Variants in CA8 observed in about 807,000 individuals in gnomAD.
The protein encoded by CA8 is carbonic anhydrase 8 (inactive), also known as carbonic anhydrase-related protein.
In CA8, 22 loss-of-function variants were observed where a neutral mutation model predicts 41.4. The ratio of observed to expected loss-of-function variants is 0.53; its 90% CI spans 0.38 to 0.76. The LOEUF (loss-of-function observed/expected upper bound fraction) is 0.76, where lower values mean the gene tolerates loss of function less well. CA8 is among the 30% of genes least tolerant of loss of function. The pLI is 0.00. For missense variants in CA8, 270 were observed against 352.8 expected (o/e 0.77, Z 1.88); for synonymous variants, 121 against 130.6 (o/e 0.93, Z 0.50).
intron 3 of CA8, among the ~76,000 whole-genome samples, chr8:60,240,112 A>C (rs1367757776): frequency 6.6e-6 from 1 of 152,244 alleles, no homozygotes; most frequent in African/African-American, 2.4e-5. Flanking sequence ...AATATGCAAG[A>C]GGGAACTCAG....
intron 8 of CA8, among the ~76,000 whole-genome samples, chr8:60,201,506 C>T (rs1405474531): frequency 2.0e-5 from 3 of 152,010 alleles, no homozygotes; most frequent in African/African-American, 7.2e-5. Context: ...AAAATAAGAA[C>T]GTGGCAAGAA....
intron 3 of CA8, among the ~76,000 whole-genome samples, chr8:60,259,186 A>G (rs777327014): frequency 6.6e-6 from 1 of 152,228 alleles, no homozygotes; most frequent in Non-Finnish European, 1.5e-5. Flanking sequence ...CCAGTTATGG[A>G]CTATATATTC....
chr8:60,263,678 G>A (rs1803811101), intron 3 of CA8, among the ~76,000 whole-genome samples: 1 of 152,212 alleles, frequency 6.6e-6, no homozygotes, highest in African/African-American at 2.4e-5. Flanking sequence ...TCCCCTGTAT[G>A]AGCCAACTCG....
intron 3 of CA8, among the ~76,000 whole-genome samples, chr8:60,236,489 CA>C (rs898969379): frequency 1.3e-4 from 19 of 150,354 alleles, no homozygotes; most frequent in Non-Finnish European, 2.2e-4. Context: ...TGCAAACAAA[CA>C]AAAAAAAAGT....
chr8:60,272,400 A>G (rs373460122), intron 2 of CA8, among the ~76,000 whole-genome samples: 12 of 151,964 alleles, frequency 7.9e-5, no homozygotes, highest in East Asian at 5.8e-4. Flanking sequence ...AAAAAAAAAA[A>G]AGAAAGGTTC....
At chr8:60,192,700 A>G (rs765617381) in intron 8 of CA8, among the ~76,000 whole-genome samples, 1 of 152,148 alleles carries the variant, frequency 6.6e-6, no homozygotes, top group Non-Finnish European at 1.5e-5. Context: ...TATTTATATC[A>G]AAATTATGCA....
chr8:60,280,925 C>A (rs914152259), intron 1 of CA8, 123 bp downstream of exon 1: 29 of 735,216 alleles, frequency 3.9e-5, no homozygotes, highest in Middle Eastern at 3.3e-4. Flanking sequence ...CAGAGACCCC[C>A]GTGGGAAAGA....
intron 7 of CA8, among the ~76,000 whole-genome samples, chr8:60,209,588 A>G (rs1050616937): frequency 6.6e-6 from 1 of 152,238 alleles, no homozygotes; most frequent in Non-Finnish European, 1.5e-5. Flanking sequence ...CTTTCCAAGT[A>G]CATTTTAATT....
intron 3 of CA8, among the ~76,000 whole-genome samples, chr8:60,262,942 C>T (rs893109237): frequency 6.6e-6 from 1 of 152,170 alleles, no homozygotes; most frequent in Non-Finnish European, 1.5e-5. Context: ...AGTTTTGAAA[C>T]CATGTCAGTG....
intron 3 of CA8, among the ~76,000 whole-genome samples, chr8:60,250,106 C>T (rs996692105): frequency 1.3e-5 from 2 of 152,136 alleles, no homozygotes; most frequent in Non-Finnish European, 2.9e-5. Context: ...CAAATTAAAA[C>T]AGCAACCGTT....
chr8:60,273,973 T>C (rs1180550378), intron 2 of CA8, among the ~76,000 whole-genome samples: 4 of 152,256 alleles, frequency 2.6e-5, no homozygotes, highest in African/African-American at 9.6e-5. Context: ...ATTTAAATTA[T>C]ACTACAACTG....
chr8:60,185,469 T>C lies in CA8; in HGVS notation c.*4552A>G, dbSNP rs1258385273. 2.0e-5 allele frequency among the ~76,000 whole-genome samples: 3 copies of C among 152,008 alleles called. No individual in the cohort carries two copies. Among genetic ancestry groups the C allele is most frequent in the African/African-American group, 7.2e-5 (3 of 41,408 alleles). Reference sequence around the variant, plus strand: ...TCTTAAAAAAAATCATTCATCTACATACCCAAGAAGCTCAACAAATTCCAA... The same window carrying C: ...TCTTAAAAAAAATCATTCATCTACACACCCAAGAAGCTCAACAAATTCCAA... On this transcript the variant is annotated 3_prime_UTR_variant, in exon 9 of 9. Transcript: ENST00000317995.
intron 3 of CA8, among the ~76,000 whole-genome samples, chr8:60,262,667 T>C (rs957441436): frequency 3.3e-5 from 5 of 152,184 alleles, no homozygotes; most frequent in Admixed American, 6.5e-5. Flanking sequence ...CTGGGCAACA[T>C]AGTGAGACCC....
intron 7 of CA8, among the ~76,000 whole-genome samples, chr8:60,219,437 T>C (rs1203179636): frequency 6.6e-6 from 1 of 152,224 alleles, no homozygotes; most frequent in Non-Finnish European, 1.5e-5. Flanking sequence ...ATTACAGGCA[T>C]GAGCCACCGC....
intron 1 of CA8, among the ~76,000 whole-genome samples, chr8:60,280,829 G>A (rs1343202913): frequency 6.6e-6 from 1 of 152,220 alleles, no homozygotes. Flanking sequence ...CCGGGTGAGA[G>A]CGCAGGCGGC....
At chr8:60,220,587 C>A (rs1807209026) in intron 7 of CA8, among the ~76,000 whole-genome samples, 1 of 152,178 alleles carries the variant, frequency 6.6e-6, no homozygotes, top group Non-Finnish European at 1.5e-5. Flanking sequence ...CTTCTCAAGA[C>A]CCCTGGTCCT....
At chr8:60,241,995 C>T (rs768834362) in intron 3 of CA8, among the ~76,000 whole-genome samples, 1 of 152,170 alleles carries the variant, frequency 6.6e-6, no homozygotes. Flanking sequence ...GAAATAATGG[C>T]AGCACTCATC....
At chr8:60,228,904 T>C (rs1165917527) in intron 4 of CA8, among the ~76,000 whole-genome samples, 2 of 152,180 alleles carry the variant, frequency 1.3e-5, no homozygotes, top group African/African-American at 4.8e-5. Context: ...ATCTCTTTCT[T>C]TTCCTTCCTT....
At chr8:60,216,740 C>A (rs1010404390) in intron 7 of CA8, among the ~76,000 whole-genome samples, 4 of 152,140 alleles carry the variant, frequency 2.6e-5, no homozygotes, top group Non-Finnish European at 4.4e-5. Flanking sequence ...TCTACAGGAT[C>A]CGTTAACATT....
Sources: gnomAD v4.1 joint callset for allele counts (sites outside exome capture counted in the v4.1 genomes callset) on GRCh38, gnomAD v4.1.1 for gene constraint, MANE v1.5 for transcripts, NCBI Gene and HGNC (gene_info 2026-07-23, HGNC 2026-07-21) for gene names.